The following GRK2 variants were observed in gnomAD, a reference collection of about 807,000 sequenced individuals.
GRK2 encodes the protein adrenergic beta receptor kinase 1.
GRK2 carries 23 observed loss-of-function variants against 97.8 expected under a neutral mutation model. The ratio of observed to expected loss-of-function variants is 0.24; its 90% CI spans 0.17 to 0.33. The LOEUF (loss-of-function observed/expected upper bound fraction) is 0.33, where lower values mean the gene tolerates loss of function less well. GRK2 is among the 10% of genes least tolerant of loss of function. The pLI is 1.00. For missense variants in GRK2, 633 were observed against 956.9 expected (o/e 0.66, Z 4.47); for synonymous variants, 425 against 381.7 (o/e 1.11, Z -1.32).
chr11:67,284,172 T>C (rs1334152896), intron 17 of GRK2, 39 bp from the exon 18 acceptor site: 2 of 1,610,908 alleles, frequency 1.2e-6, no homozygotes, highest in Non-Finnish European at 1.7e-6. Flanking sequence ...CCGGCATCTC[T>C]GTCCACCCAT....
intron 1 of GRK2, among the ~76,000 whole-genome samples, chr11:67,267,511 C>A (rs1034621588): frequency 2.0e-5 from 3 of 152,212 alleles, no homozygotes; most frequent in Non-Finnish European, 2.9e-5. Context: ...GGGAAACATC[C>A]CCTGTGCCCT....
chr11:67,284,465 C>G (rs1462249378), intron 18 of GRK2, 92 bp downstream of exon 18: 3 of 1,433,768 alleles, frequency 2.1e-6, no homozygotes, highest in South Asian at 1.2e-5. Context: ...TGGATCACAG[C>G]CAGAAAGTGG....
Position 67,277,161 on chromosome 11 carries a change from C to T in GRK2, c.114-111C>T, listed in dbSNP as rs1860048452. 1.1e-5 allele frequency: 11 copies of T among 1,029,320 alleles called. No individual in the cohort carries two copies. The Admixed American group carries it at 1.6e-4, about 15-fold the overall frequency. 63.8% of individuals were successfully genotyped at this position (1,029,320 alleles called of 1,614,324 possible). ...TGAGTAGGCCTGACGGGCTGGCCTC[C>T]TTCCTGGAGGGAGTGGCGACACCAC... On this transcript the variant is annotated intron_variant, in intron 1 of 20. Transcript: ENST00000308595.
In GRK2 at chr11:67,277,244, C is replaced by G. The variant is rs764930553; in HGVS notation, c.114-28C>G. The G allele has an allele frequency of 3.7e-6, 6 of 1,611,920 alleles. No homozygotes were observed. The Admixed American group carries it at 1.0e-4, about 27-fold the overall frequency. On this transcript the variant is annotated intron_variant, in intron 1 of 20. Coordinates refer to ENST00000308595, the MANE Select transcript of GRK2 (RefSeq NM_001619.5). ...CAGCCCCCACGGGCTCTGGGGGCTT[C>G]TGCTTACTGCGCCCCCCTGACCCAC...
chr11:67,268,272 G>A (rs980874238), intron 1 of GRK2, among the ~76,000 whole-genome samples: 1 of 152,228 alleles, frequency 6.6e-6, no homozygotes, highest in African/African-American at 2.4e-5. Flanking sequence ...CCTGTGCCAT[G>A]CCCTGCTCAC....
At chr11:67,280,376 T>C (rs1860122858) in intron 6 of GRK2, 1 of 408,766 alleles carries the variant, frequency 2.4e-6, no homozygotes. Flanking sequence ...AGCCATGGAG[T>C]GAGCTCTGTG....
chr11:67,285,313 A>G lies in GRK2; in HGVS notation c.1933A>G (p.Lys645Glu), dbSNP rs61763969. The G allele has an allele frequency of 1.1e-5, 18 of 1,609,692 alleles. No individual in the cohort carries two copies. Among genetic ancestry groups the G allele is most frequent in the South Asian group, 8.8e-5 (8 of 90,848 alleles). ...CGACCCTGAGCTGGTGCAGTGGAAG[A>G]AGGAGCTGCGCGACGCCTACCGCGA... is the stretch of plus-strand genomic sequence containing the variant. ...DSDPELVQWK[K>E]ELRDAYREAQ... Residue 645 changes from lysine (K) to glutamate (E), a missense_variant, in exon 21 of 21, where the codon AAG becomes GAG. By Grantham distance (56) the Lys-to-Glu change is moderately conservative. Coordinates refer to ENST00000308595, the MANE Select transcript of GRK2 (RefSeq NM_001619.5).
At position 67,284,854 on chromosome 11, in the gene GRK2, C is replaced by T; in HGVS notation, c.1662C>T (p.Ala554=). ...CTCTGTCTCTCGCCTCAGACTACGCCCTGGGCAAGGACTGCATCATGCATG... is the reference window on the plus strand; with the variant it reads ...CTCTGTCTCTCGCCTCAGACTACGCTCTGGGCAAGGACTGCATCATGCATG... ...NKQLGHEEDY[A]LGKDCIMHGY... is the part of the protein sequence containing the mutation. Residue 554 remains alanine (A), a synonymous_variant, in exon 19 of 21, where the codon GCC becomes GCT. Transcript: ENST00000308595. 1 of 1,612,742 alleles carries T rather than the reference C, an allele frequency of 6.2e-7. No individual in the cohort carries two copies. The highest frequency in any genetic ancestry group is 1.1e-5 in the South Asian group (1 of 91,022).
Position 67,277,343 on chromosome 11 carries a change from A to C in GRK2, c.185A>C (p.Lys62Thr), listed in dbSNP as rs1860053054. 1 of 1,613,384 alleles carries C rather than the reference A, an allele frequency of 6.2e-7. No individual in the cohort carries two copies. Among genetic ancestry groups the C allele is most frequent in the African/African-American group, 1.3e-5 (1 of 74,930 alleles). ...EVTFEKIFSQ[K>T]LGYLLFRDFC... is the part of the protein sequence containing the mutation. ...ACCTTTGAGAAGATCTTTTCCCAGA[A>C]GCTGGGTGAGTATGGCAGTGGCTCT... Residue 62 changes from lysine (K) to threonine (T), a missense_variant, in exon 2 of 21, where the codon AAG becomes ACG. By Grantham distance (78) the Lys-to-Thr change is moderately conservative (BLOSUM62 -1). Around this residue, in one of 4 missense-constraint regions of GRK2, gnomAD observed 193 missense variants for 212.2 expected, o/e 0.91. Coordinates refer to ENST00000308595, the MANE Select transcript of GRK2 (RefSeq NM_001619.5).
In GRK2 at chr11:67,285,324, C is replaced by G; in HGVS notation, c.1944C>G (p.Arg648=). ...TGGTGCAGTGGAAGAAGGAGCTGCG[C>G]GACGCCTACCGCGAGGCCCAGCAGC... ...PELVQWKKEL[R]DAYREAQQLV... The change falls in exon 21 of 21, where the codon CGC becomes CGG. Residue 648 remains arginine (R), a synonymous_variant. Coordinates refer to ENST00000308595, the MANE Select transcript of GRK2 (RefSeq NM_001619.5). The G allele has an allele frequency of 6.2e-7, 1 of 1,609,742 alleles. No homozygotes were observed. The highest frequency in any genetic ancestry group is 1.1e-5 in the South Asian group (1 of 90,856).
chr11:67,281,288 C>G lies in GRK2; in HGVS notation c.647+104C>G. ...AGGGCCACCTGCTGCTCCATGCACT[C>G]CTGTCTTGCCGTGCTGTTACCCCCG... On this transcript the variant is annotated intron_variant, in intron 8 of 20. Coordinates refer to ENST00000308595, the MANE Select transcript of GRK2 (RefSeq NM_001619.5). The surrounding 1 kb of genome is among the most constrained non-coding windows in gnomAD (Gnocchi z 5.7). The G allele has an allele frequency of 2.6e-6, 3 of 1,156,734 alleles. No homozygotes were observed. Among genetic ancestry groups the G allele is most frequent in the Non-Finnish European group, 3.8e-6 (3 of 795,612 alleles). The allele number at this position is 1,156,734 out of a possible 1,614,324, so 71.7% of individuals were successfully genotyped here. A position where few individuals can be genotyped will look rare whatever the true frequency, so the allele number is the denominator to read the frequency against.
chr11:67,279,336 T>C, intron 3 of GRK2, 63 bp downstream of exon 3: 1 of 1,608,768 alleles, frequency 6.2e-7, no homozygotes, highest in Admixed American at 1.7e-5. Flanking sequence ...GGGGCGGCTT[T>C]GTGGAACCCA....
At chr11:67,279,372 A>G (rs761298461) in intron 3 of GRK2, 46 bp from the exon 4 acceptor site, 4 of 1,609,978 alleles carry the variant, frequency 2.5e-6, no homozygotes, top group African/African-American at 1.3e-5. Context: ...GGGCATCCCC[A>G]TTCCCTGCTG....
chr11:67,279,422 A>G lies in GRK2; in HGVS notation c.269A>G (p.Lys90Arg). ...TGCAGGAATCCTGTCCTCCAGATCA[A>G]GAAGTACGAGAAGCTGGAGACGGAG... The part of the protein sequence containing the change: ...RPLVEFYEEI[K>R]KYEKLETEEE... The change falls in exon 4 of 21, where the codon AAG (lysine) becomes AGG (arginine). Residue 90 changes from lysine (K) to arginine (R), a missense_variant. This residue lies in a region of GRK2 where 193 missense variants were observed against 212.2 expected (regional missense o/e 0.91). Transcript: ENST00000308595. 2 of 1,613,210 alleles carry G rather than the reference A, an allele frequency of 1.2e-6. No homozygotes were observed. Among genetic ancestry groups the G allele is most frequent in the Non-Finnish European group, 8.5e-7 (1 of 1,179,992 alleles).
chr11:67,284,078 G>A, intron 17 of GRK2, 129 bp downstream of exon 17: 1 of 1,447,346 alleles, frequency 6.9e-7, no homozygotes, highest in Non-Finnish European at 9.5e-7. Flanking sequence ...GTTCCTCCTT[G>A]GCCAACTTCC....
chr11:67,286,490 G>A lies in GRK2; in HGVS notation c.*1040G>A, dbSNP rs1385516817. 5.7e-6 allele frequency: 4 copies of A among 700,552 alleles called. No individual in the cohort carries two copies. The highest frequency in any genetic ancestry group is 3.0e-5 in the South Asian group (2 of 67,468). The allele number at this position is 700,552 out of a possible 1,614,324, so 43.4% of individuals were successfully genotyped here. A position where few individuals can be genotyped will look rare whatever the true frequency, so the allele number is the denominator to read the frequency against. ...TCATTCCCCGGGGCGTTTCTTTGCC[G>A]ATTTTTGAATGTGATTTTAAAGAGT... On this transcript the variant is annotated 3_prime_UTR_variant, in exon 21 of 21. Coordinates refer to ENST00000308595, the MANE Select transcript of GRK2 (RefSeq NM_001619.5).
At chr11:67,278,816 G>A (rs980541448) in intron 2 of GRK2, among the ~76,000 whole-genome samples, 9 of 151,892 alleles carry the variant, frequency 5.9e-5, no homozygotes, top group African/African-American at 2.2e-4. Flanking sequence ...AGCCCGCCCC[G>A]GTGGGGGGTA....
chr11:67,284,878 T>G lies in GRK2; in HGVS notation c.1686T>G (p.His562Gln). ...DYALGKDCIMHGYMSKMGNPF... is the reference protein window; with the variant it reads ...DYALGKDCIMQGYMSKMGNPF... ...CCCTGGGCAAGGACTGCATCATGCA[T>G]GGCTACATGTCCAAGATGGGCAACC... Residue 562 changes from histidine (H) to glutamine (Q), a missense_variant, in exon 19 of 21, where the codon CAT (histidine) becomes CAG (glutamine). Transcript: ENST00000308595. 1 of 1,613,398 alleles carries G rather than the reference T, an allele frequency of 6.2e-7. No homozygotes were observed. The highest frequency in any genetic ancestry group is 8.5e-7 in the Non-Finnish European group (1 of 1,179,990).
chr11:67,286,308 T>C lies in GRK2; in HGVS notation c.*858T>C, dbSNP rs951900233. 1.2e-5 allele frequency: 8 copies of C among 666,522 alleles called. No homozygotes were observed. Among genetic ancestry groups the C allele is most frequent in the East Asian group, 2.7e-5 (1 of 36,436 alleles). The allele number at this position is 666,522 out of a possible 1,614,324, so 41.3% of individuals were successfully genotyped here. On this transcript the variant is annotated 3_prime_UTR_variant, in exon 21 of 21. Transcript: ENST00000308595. ...TGTGCCCCCCATCCTGGCCCATCAG[T>C]GTACCCCCGCCCAGGCTGGCCAGCC...
Sources: gnomAD v4.1 joint callset for allele counts (sites outside exome capture counted in the v4.1 genomes callset) on GRCh38, gnomAD v4.1.1 for gene constraint, gnomAD v4.1.1 regional missense constraint, Gnocchi (gnomAD v3.1) non-coding constraint, MANE v1.5 for transcripts, NCBI Gene and HGNC (gene_info 2026-07-23, HGNC 2026-07-21) for gene names.